CSMD2: variants seen among roughly 807,000 people sequenced by gnomAD.
CSMD2 encodes CUB and sushi domain-containing protein 2.
In CSMD2, 130 loss-of-function variants were observed where a neutral mutation model predicts 398.5. The observed-to-expected ratio is 0.33, with a 90% CI of 0.28 to 0.38. CSMD2 has a LOEUF of 0.38. Ranked by LOEUF, CSMD2 falls within the 10% of genes least tolerant of loss-of-function variation. The pLI is 1.00. For missense variants in CSMD2, 3,829 were observed against 4,764.9 expected (o/e 0.80, Z 5.78); for synonymous variants, 1,828 against 1,908.5 (o/e 0.96, Z 1.10).
At chr1:33,836,317 C>T (rs191325466) in intron 6 of CSMD2, among the ~76,000 whole-genome samples, 47 of 151,930 alleles carry the variant, frequency 3.1e-4, no homozygotes, top group African/African-American at 1.1e-3. Context: ...GTCAGGTTCC[C>T]ACTTGAGGAG....
At chr1:33,695,752 C>G (rs943087925) in intron 24 of CSMD2, among the ~76,000 whole-genome samples, 3 of 152,222 alleles carry the variant, frequency 2.0e-5, no homozygotes, top group African/African-American at 7.2e-5. Context: ...TTCAGTAGAG[C>G]CCACTGAGCC....
intron 12 of CSMD2, among the ~76,000 whole-genome samples, chr1:33,782,866 T>C (rs1325650007): frequency 2.0e-5 from 3 of 152,102 alleles, no homozygotes; most frequent in Non-Finnish European, 4.4e-5. Flanking sequence ...CTAAAATCAA[T>C]GGGAAGTTGT....
At chr1:34,082,198 G>A (rs537019148) in intron 2 of CSMD2, among the ~76,000 whole-genome samples, 290 of 133,782 alleles carry the variant, frequency 2.2e-3, no homozygotes, top group African/African-American at 7.9e-3. Flanking sequence ...GTCTCTACCC[G>A]GCCGCCACCC....
Position 34,164,985 on chromosome 1 carries a change from C to A in CSMD2, c.113G>T (p.Arg38Leu). Residue 38 changes from arginine (R) to leucine (L), a missense_variant, in exon 1 of 71, where the codon CGC becomes CTC. Arg to Leu is a moderately radical substitution (Grantham distance 102, BLOSUM62 -2). Transcript: ENST00000373381. The surrounding 1 kb of genome is among the most constrained non-coding windows in gnomAD (Gnocchi z 6.2). Reference protein sequence around the residue: ...LVPGAGSRWGRPPPPTPPPLL... With the variant: ...LVPGAGSRWGLPPPPTPPPLL... ...AGGCGGCGGCGTTGGCGGCGGCGGG[C>A]GGCCCCAGCGGCTCCCGGCGCCCGG... is the stretch of plus-strand genomic sequence containing the variant. The A allele has an allele frequency of 2.5e-6, 3 of 1,209,508 alleles. No individual in the cohort carries two copies. Among genetic ancestry groups the A allele is most frequent in the Non-Finnish European group, 3.1e-6 (3 of 974,062 alleles). The allele number at this position is 1,209,508 out of a possible 1,614,324, so 74.9% of individuals were successfully genotyped here. A position where few individuals can be genotyped will look rare whatever the true frequency, so the allele number is the denominator to read the frequency against.
chr1:34,154,038 C>T (rs572316794), intron 1 of CSMD2, among the ~76,000 whole-genome samples: 6 of 152,112 alleles, frequency 3.9e-5, no homozygotes, highest in South Asian at 2.1e-4. Context: ...ACAAATCAAC[C>T]GGAAGATTTC....
At chr1:34,075,317 T>G (rs1656206421) in intron 2 of CSMD2, among the ~76,000 whole-genome samples, 1 of 152,224 alleles carries the variant, frequency 6.6e-6, no homozygotes, top group Non-Finnish European at 1.5e-5. Context: ...GAGCAGACCC[T>G]TCAAGGACGT....
At position 34,128,428 on chromosome 1, in the gene CSMD2, CT is replaced by C. The variant is rs1409878256; in HGVS notation, c.187+36482del. ...CGGGTCTGAGGGTGTGTCTCCTAAC[CT>C]TCCTCCTCCCTGAGAAAGCACAGAC... On this transcript the variant is annotated intron_variant, in intron 1 of 70. Coordinates refer to ENST00000373381, the MANE Select transcript of CSMD2 (RefSeq NM_001281956.2). Among the ~76,000 whole-genome samples the C allele has an allele frequency of 6.6e-5, 10 of 152,178 alleles. 1 individual carries two copies. The highest frequency in any genetic ancestry group is 2.4e-4 in the African/African-American group (10 of 41,436).
chr1:33,852,516 G>GC (rs1313513714), intron 5 of CSMD2, among the ~76,000 whole-genome samples: 3 of 152,102 alleles, frequency 2.0e-5, no homozygotes, highest in Non-Finnish European at 4.4e-5. Context: ...TTTTCCTGTT[G>GC]CCCCACCTGG....
At chr1:33,802,491 C>T (rs1655719037) in intron 10 of CSMD2, among the ~76,000 whole-genome samples, 1 of 152,198 alleles carries the variant, frequency 6.6e-6, no homozygotes, top group African/African-American at 2.4e-5. Flanking sequence ...TCTCTTTGGG[C>T]CTTCTCATTG....
At chr1:33,890,208 A>G (rs1173769781) in intron 5 of CSMD2, among the ~76,000 whole-genome samples, 1 of 150,770 alleles carries the variant, frequency 6.6e-6, no homozygotes, top group East Asian at 2.0e-4. Context: ...TATATATAAA[A>G]GAATATACAT....
At chr1:33,886,975 G>T (rs990925434) in intron 5 of CSMD2, among the ~76,000 whole-genome samples, 28 of 147,352 alleles carry the variant, frequency 1.9e-4, no homozygotes, top group East Asian at 5.9e-4. Context: ...AGACTCAGAG[G>T]TTTTTTTTTT....
chr1:33,643,884 G>GGGAAGGAAGGAAGGAAGGAA (rs1314337387), intron 29 of CSMD2, among the ~76,000 whole-genome samples: 1 of 135,206 alleles, frequency 7.4e-6, no homozygotes, highest in African/African-American at 3.0e-5. Context: ...TGTGTAGTCT[G>GGGAAGGAAGGAAGGAAGGAA]GGAATGAAGG....
intron 2 of CSMD2, among the ~76,000 whole-genome samples, chr1:34,040,743 A>T (rs956420599): frequency 3.3e-5 from 5 of 152,200 alleles, no homozygotes; most frequent in African/African-American, 1.2e-4. Flanking sequence ...GAGGCGAGAT[A>T]TAAGGAAAAA....
At chr1:34,093,864 T>C (rs1658951969) in intron 1 of CSMD2, among the ~76,000 whole-genome samples, 1 of 152,006 alleles carries the variant, frequency 6.6e-6, no homozygotes, top group Non-Finnish European at 1.5e-5. Flanking sequence ...ATTTCCCCAA[T>C]CTAGCAAGGC....
rs1020880695 is a variant in CSMD2, at chr1:33,749,292, G to C, written c.1847-5686C>G. Among the ~76,000 whole-genome samples, 11 of 151,706 alleles carry C rather than the reference G, an allele frequency of 7.3e-5. No homozygotes were observed. The East Asian group carries it at 2.1e-3, about 30-fold the overall frequency. ...TTTTTTGTATTTTTAGTAGAGACAG[G>C]GTTTCGCCGTGTTAGCCAGGATGGT... On this transcript the variant is annotated intron_variant, in intron 13 of 70. Coordinates refer to ENST00000373381, the MANE Select transcript of CSMD2 (RefSeq NM_001281956.2).
chr1:33,772,499 G>A (rs568793937), intron 13 of CSMD2, 70 bp downstream of exon 13: 32 of 1,473,482 alleles, frequency 2.2e-5, no homozygotes, highest in Non-Finnish European at 2.8e-5. Context: ...CGGGGCCCCT[G>A]GATTAGCTAG....
At chr1:33,712,073 G>A (rs916652209) in intron 21 of CSMD2, among the ~76,000 whole-genome samples, 2 of 152,230 alleles carry the variant, frequency 1.3e-5, no homozygotes, top group Non-Finnish European at 2.9e-5. Flanking sequence ...CCACAGGTAA[G>A]TGCTGTGGCT....
At chr1:33,901,823 A>G (rs976695009) in intron 5 of CSMD2, among the ~76,000 whole-genome samples, 1 of 152,218 alleles carries the variant, frequency 6.6e-6, no homozygotes, top group African/African-American at 2.4e-5. Context: ...GCTTGCCCAA[A>G]CTCACGCATA....
At chr1:33,528,266 T>C (rs1464568752) in intron 64 of CSMD2, among the ~76,000 whole-genome samples, 1 of 152,212 alleles carries the variant, frequency 6.6e-6, no homozygotes, top group Non-Finnish European at 1.5e-5. Context: ...AACTGAAACA[T>C]ACCTCACAGG....
Sources: gnomAD v4.1 joint callset for allele counts (sites outside exome capture counted in the v4.1 genomes callset) on GRCh38, gnomAD v4.1.1 for gene constraint, Gnocchi (gnomAD v3.1) non-coding constraint, MANE v1.5 for transcripts, NCBI Gene and HGNC (gene_info 2026-07-23, HGNC 2026-07-21) for gene names.